Variants in ZNF18 observed in about 807,000 individuals in gnomAD.
The protein encoded by ZNF18 is heart development-specific gene 1 protein.
ZNF18 carries 42 observed loss-of-function variants against 58.1 expected under a neutral mutation model. The ratio of observed to expected loss-of-function variants is 0.72; its 90% CI spans 0.56 to 0.93. ZNF18 has a LOEUF of 0.93. ZNF18 is among the 40% of genes least tolerant of loss of function. ZNF18 has a pLI of 0.00. For missense variants in ZNF18, 540 were observed against 644.2 expected (o/e 0.84, Z 1.75); for synonymous variants, 231 against 239.8 (o/e 0.96, Z 0.34).
At chr17:12,007,307 A>G in the ZNF18 span, among the ~76,000 whole-genome samples, 1 of 152,148 alleles carries the variant, frequency 6.6e-6, no homozygotes, top group South Asian at 2.1e-4. Flanking sequence ...AGGCTTCTTT[A>G]TCTCATTAGC....
At chr17:11,978,889 A>G (rs1967167662) in intron 6 of ZNF18, 145 bp from the exon 7 acceptor site, 2 of 573,088 alleles carry the variant, frequency 3.5e-6, no homozygotes, top group Non-Finnish European at 5.8e-6. Context: ...AGTGAGAAAG[A>G]AAACTACCAT....
At chr17:11,985,284 G>T (rs542822204) in intron 4 of ZNF18, among the ~76,000 whole-genome samples, 7 of 152,156 alleles carry the variant, frequency 4.6e-5, no homozygotes, top group Non-Finnish European at 8.8e-5. Flanking sequence ...CTACCAAGAA[G>T]CTGACTATTA....
chr17:12,021,402 C>T, the ZNF18 span: 2 of 152,534 alleles, frequency 1.3e-5, no homozygotes, highest in Middle Eastern at 3.4e-3. Flanking sequence ...CGGGCCTGCC[C>T]CCTGGTCCCT....
chr17:11,997,493 G>A (rs1445702507), upstream of ZNF18: 1 of 152,250 alleles, frequency 6.6e-6, no homozygotes, highest in African/African-American at 2.4e-5. Context: ...CGCGCCTCAG[G>A]CGGCAGGCGA....
chr17:11,983,223 A>G, intron 6 of ZNF18, 74 bp downstream of exon 6: 1 of 1,167,192 alleles, frequency 8.6e-7, no homozygotes, highest in Non-Finnish European at 1.3e-6. Context: ...GACCTCCTTC[A>G]CCACCTCCCC....
chr17:12,011,901 A>T, the ZNF18 span, among the ~76,000 whole-genome samples: 1 of 150,726 alleles, frequency 6.6e-6, no homozygotes, highest in African/African-American at 2.4e-5. Flanking sequence ...GGATTTCACC[A>T]CATTGGCCAG....
intron 1 of ZNF18, among the ~76,000 whole-genome samples, chr17:11,996,202 G>A (rs1013841303): frequency 1.3e-5 from 2 of 152,144 alleles, no homozygotes; most frequent in Non-Finnish European, 2.9e-5. Flanking sequence ...CACCTGAAAA[G>A]CAGCTTTAGC....
intron 6 of ZNF18, 85 bp from the exon 7 acceptor site, chr17:11,978,829 ACATT>A (rs1169442500): frequency 3.1e-6 from 2 of 648,534 alleles, no homozygotes; most frequent in African/African-American, 2.0e-5. Context: ...TCATCATAAA[ACATT>A]CATTTTCTTT....
In ZNF18 at chr17:11,983,199, A is replaced by T. The variant is rs1232268757; in HGVS notation, c.862+98T>A. ...CTAGTTATAACCAACGTAATAGAAT[A>T]TTCTGCCTCCCCTGACCTCCTTCAC... is the stretch of plus-strand genomic sequence containing the variant. On this transcript the variant is annotated intron_variant, in intron 6 of 6. Transcript: ENST00000580306. 4.8e-6 allele frequency: 4 copies of T among 824,900 alleles called. No individual in the cohort carries two copies. In the East Asian group the frequency reaches 9.9e-5, roughly 20 times the overall value. 51.1% of individuals were successfully genotyped at this position (824,900 alleles called of 1,614,324 possible).
Position 11,992,688 on chromosome 17 carries a change from G to A in ZNF18, c.142C>T (p.Arg48Cys), listed in dbSNP as rs758513999. The change falls in exon 2 of 7, where the codon CGT becomes TGT. Residue 48 changes from arginine to cysteine, a missense_variant. Physicochemically the swap from Arg to Cys is radical, Grantham distance 180. Transcript: ENST00000580306. Reference protein sequence around the residue: ...ETARQLFRQFRYQVMSGPHET... With the variant: ...ETARQLFRQFCYQVMSGPHET... The stretch of plus-strand genomic sequence containing the variant: ...TGAGGCCCAGACATCACCTGGTAAC[G>A]GAACTGCCTGAAAAGCTGGCGTGCG... 6.2e-6 allele frequency: 10 copies of A among 1,614,128 alleles called. No individual in the cohort carries two copies. The highest frequency in any genetic ancestry group is 8.5e-6 in the Non-Finnish European group (10 of 1,180,056).
At chr17:12,018,413 C>T in the ZNF18 span, among the ~76,000 whole-genome samples, 43 of 152,254 alleles carry the variant, frequency 2.8e-4, 1 homozygote, top group African/African-American at 1.0e-3. Context: ...TGAGGACACA[C>T]TCTGTGGCTT....
chr17:11,995,381 GAA>G (rs1229054034), intron 1 of ZNF18, among the ~76,000 whole-genome samples: 3 of 143,484 alleles, frequency 2.1e-5, no homozygotes, highest in African/African-American at 2.5e-5. Context: ...ACCACTGCAA[GAA>G]AAAAAAAAAG....
the ZNF18 span, among the ~76,000 whole-genome samples, chr17:12,017,576 A>T: frequency 6.6e-6 from 1 of 152,178 alleles, no homozygotes; most frequent in Non-Finnish European, 1.5e-5. Context: ...TGGAATGTGA[A>T]ATGAAAAATG....
At chr17:12,003,415 G>A in the ZNF18 span, among the ~76,000 whole-genome samples, 5,983 of 151,020 alleles carry the variant, frequency 0.04, 388 homozygotes, top group African/African-American at 0.14. Flanking sequence ...ACTCCAGCCC[G>A]GGTGACAGTG....
intron 1 of ZNF18, among the ~76,000 whole-genome samples, chr17:11,993,276 A>C (rs1968250791): frequency 6.6e-6 from 1 of 152,206 alleles, no homozygotes. Flanking sequence ...CATACTAAAA[A>C]ATAAAGCTGG....
At chr17:11,993,825 C>A (rs867198039) in intron 1 of ZNF18, among the ~76,000 whole-genome samples, 28 of 71,248 alleles carry the variant, frequency 3.9e-4, no homozygotes, top group Non-Finnish European at 4.8e-4. Context: ...CTCCGTCTCA[C>A]AAAAAAAAAA....
At chr17:12,018,846 G>A in the ZNF18 span, among the ~76,000 whole-genome samples, 2 of 151,764 alleles carry the variant, frequency 1.3e-5, no homozygotes, top group Admixed American at 1.3e-4. Flanking sequence ...TTAAAAATAA[G>A]ATTAGTTATA....
the ZNF18 span, among the ~76,000 whole-genome samples, chr17:12,015,703 C>G: frequency 6.6e-6 from 1 of 152,120 alleles, no homozygotes; most frequent in Non-Finnish European, 1.5e-5. Context: ...ATCATTCAAC[C>G]ATTTTTTCAA....
At chr17:11,988,381 C>T (rs1409542242) in intron 4 of ZNF18, among the ~76,000 whole-genome samples, 1 of 152,280 alleles carries the variant, frequency 6.6e-6, no homozygotes, top group Admixed American at 6.5e-5. Flanking sequence ...CTGAGCCAGG[C>T]AGCCTCCCTG....
Sources: allele counts gnomAD v4.1 joint callset (sites outside exome capture counted in the v4.1 genomes callset), GRCh38; gene constraint gnomAD v4.1.1; transcripts MANE v1.5; gene names NCBI Gene and HGNC (gene_info 2026-07-23, HGNC 2026-07-21).